TEC: variants seen among roughly 807,000 people sequenced by gnomAD.
The protein encoded by TEC is tyrosine-protein kinase Tec.
Under a neutral mutation model 93.0 loss-of-function variants are expected in TEC, and 72 were observed. The ratio of observed to expected loss-of-function variants is 0.77; its 90% CI spans 0.64 to 0.94. TEC has a LOEUF of 0.94. TEC is among the 40% of genes least tolerant of loss of function. The pLI, the probability that TEC is intolerant of heterozygous loss-of-function variation, is 0.00. For synonymous variants in TEC, 249 were observed against 247.7 expected (o/e 1.01, Z -0.05); for missense variants, 630 against 757.9 (o/e 0.83, Z 1.98).
intron 1 of TEC, among the ~76,000 whole-genome samples, chr4:48,253,917 A>G (rs1724274275): frequency 6.6e-6 from 1 of 151,572 alleles, no homozygotes. Flanking sequence ...TTCCTTTCCT[A>G]CCACTTGTTT....
intron 2 of TEC, among the ~76,000 whole-genome samples, chr4:48,194,784 T>C (rs1478477050): frequency 6.6e-6 from 1 of 152,174 alleles, no homozygotes; most frequent in Non-Finnish European, 1.5e-5. Context: ...AGTAAAATAC[T>C]CAAAGAGAAA....
intron 1 of TEC, among the ~76,000 whole-genome samples, chr4:48,230,254 C>A (rs1024198004): frequency 1.3e-5 from 2 of 152,080 alleles, no homozygotes; most frequent in Non-Finnish European, 2.9e-5. Flanking sequence ...CCAATGCACC[C>A]TTTAATTTCC....
At chr4:48,175,931 A>G (rs1177469874) in intron 3 of TEC, 151 bp downstream of exon 3, 1 of 608,362 alleles carries the variant, frequency 1.6e-6, no homozygotes, top group Admixed American at 2.9e-5. Context: ...TTCCACAAAG[A>G]CTTAAACAGT....
intron 1 of TEC, among the ~76,000 whole-genome samples, chr4:48,241,078 T>C (rs1410657606): frequency 1.3e-5 from 2 of 152,178 alleles, no homozygotes; most frequent in African/African-American, 2.4e-5. Context: ...ATCTAACTAC[T>C]GTTTGGAAAG....
At chr4:48,174,056 AAG>A (rs1435541241) in intron 3 of TEC, among the ~76,000 whole-genome samples, 2 of 152,214 alleles carry the variant, frequency 1.3e-5, no homozygotes, top group African/African-American at 4.8e-5. Flanking sequence ...AAGTTATAAT[AAG>A]AGAGGGTATT....
At chr4:48,225,538 C>A (rs1445594982) in intron 2 of TEC, among the ~76,000 whole-genome samples, 2 of 152,086 alleles carry the variant, frequency 1.3e-5, no homozygotes, top group African/African-American at 4.8e-5. Flanking sequence ...GAAGATTGAT[C>A]CACGGCAAAC....
chr4:48,249,670 G>C (rs1259526013), intron 1 of TEC, among the ~76,000 whole-genome samples: 1 of 152,164 alleles, frequency 6.6e-6, no homozygotes, highest in African/African-American at 2.4e-5. Flanking sequence ...TTTAAGCCCT[G>C]CTTCTTGACT....
rs34965891 is a variant in TEC at position 48,199,455 on chromosome 4, C to CTTTTTTTTT, written c.139-23278_139-23270dup. 2.7e-3 allele frequency among the ~76,000 whole-genome samples: 182 copies of CTTTTTTTTT among 67,356 alleles called. 22 individuals are homozygous for CTTTTTTTTT. Among genetic ancestry groups the CTTTTTTTTT allele is most frequent in the Middle Eastern group, 0.017 (1 of 60 alleles). 44.2% of individuals were successfully genotyped at this position (67,356 alleles called of 152,430 possible). A position where few individuals can be genotyped will look rare whatever the true frequency, so the allele number is the denominator to read the frequency against. On this transcript the variant is annotated intron_variant, in intron 2 of 17. Coordinates refer to ENST00000381501, the MANE Select transcript of TEC (RefSeq NM_003215.3). Reference sequence around the variant, plus strand: ...CTGGGCTACAGAAAGGATTTTCTTTCTTTTTTTTTTTTTTTTTTTTTTTTT... The same window carrying CTTTTTTTTT: ...CTGGGCTACAGAAAGGATTTTCTTTCTTTTTTTTTTTTTTTTTTTTTTTTTTTTTTTTTT...
intron 1 of TEC, among the ~76,000 whole-genome samples, chr4:48,265,444 CGTAT>C (rs1724610208): frequency 3.6e-5 from 1 of 27,712 alleles, no homozygotes; most frequent in African/African-American, 6.4e-5. Context: ...CACATATATA[CGTAT>C]ATATATACAT....
intron 2 of TEC, among the ~76,000 whole-genome samples, chr4:48,204,332 G>A: frequency 6.6e-6 from 1 of 152,214 alleles, no homozygotes; most frequent in East Asian, 1.9e-4. Context: ...TGGACACTGA[G>A]TGATGAGTTT....
chr4:48,190,036 G>A (rs1290479710), intron 2 of TEC, among the ~76,000 whole-genome samples: 1 of 152,180 alleles, frequency 6.6e-6, no homozygotes, highest in African/African-American at 2.4e-5. Flanking sequence ...ATCATGGGAA[G>A]TAGGGTGCTA....
chr4:48,234,216 G>A (rs2109647341), intron 1 of TEC, among the ~76,000 whole-genome samples: 1 of 152,282 alleles, frequency 6.6e-6, no homozygotes, highest in Non-Finnish European at 1.5e-5. Flanking sequence ...GAAGTGACAG[G>A]AGAATAAAGA....
At chr4:48,207,412 T>C (rs1722749707) in intron 2 of TEC, among the ~76,000 whole-genome samples, 1 of 152,124 alleles carries the variant, frequency 6.6e-6, no homozygotes, top group Non-Finnish European at 1.5e-5. Flanking sequence ...AGGCTCCTTG[T>C]ATTCCTCTGA....
chr4:48,192,524 G>GA (rs1011551798), intron 2 of TEC, among the ~76,000 whole-genome samples: 1 of 152,074 alleles, frequency 6.6e-6, no homozygotes, highest in East Asian at 1.9e-4. Context: ...GTATAATGCT[G>GA]AAAAAAATAT....
At chr4:48,148,893 T>C (rs912164969) in intron 11 of TEC, among the ~76,000 whole-genome samples, 12 of 151,782 alleles carry the variant, frequency 7.9e-5, no homozygotes, top group African/African-American at 2.7e-4. Flanking sequence ...TCCTATTATT[T>C]AGCTTCCACT....
chr4:48,206,413 G>A (rs1722716161), intron 2 of TEC, among the ~76,000 whole-genome samples: 1 of 152,146 alleles, frequency 6.6e-6, no homozygotes, highest in Non-Finnish European at 1.5e-5. Flanking sequence ...ACACACAGAT[G>A]AGCTTCATTC....
At position 48,153,801 on chromosome 4, in the gene TEC, C is replaced by T. The variant is rs73138411; in HGVS notation, c.793-2859G>A. 8.1e-3 allele frequency among the ~76,000 whole-genome samples: 1,238 copies of T among 152,264 alleles called. 14 individuals are homozygous for T. The highest frequency in any genetic ancestry group is 0.026 in the African/African-American group (1,083 of 41,550). On this transcript the variant is annotated intron_variant, in intron 9 of 17. Transcript: ENST00000381501. ...AAAAATGAGTGACATTACTACCCAC[C>T]CAGCCCTGCAGCAACGCCTTCATAA...
chr4:48,145,415 C>T lies in TEC; in HGVS notation c.1246G>A (p.Val416Met), dbSNP rs764331227. The T allele has an allele frequency of 6.2e-7, 1 of 1,614,148 alleles. No individual in the cohort carries two copies. Residue 416 changes from valine (V) to methionine (M), a missense_variant, in exon 13 of 18, where the codon GTG becomes ATG. Physicochemically the swap from Val to Met is conservative, Grantham distance 21. Around this residue, in one of 3 missense-constraint regions of TEC, gnomAD observed 289 missense variants for 390.0 expected, o/e 0.74. Coordinates refer to ENST00000381501, the MANE Select transcript of TEC (RefSeq NM_003215.3). The stretch of plus-strand genomic sequence containing the variant: ...AAGATGATAGCAACTTACATCATCA[C>T]TTTAGCTTCTTCTATAAAGTCCTCC... ...CEEDFIEEAK[V>M]MMKLTHPKLV...
chr4:48,143,278 A>C (rs974378594), intron 14 of TEC, among the ~76,000 whole-genome samples: 1 of 152,364 alleles, frequency 6.6e-6, no homozygotes, highest in Admixed American at 6.5e-5. Context: ...TACCATAGTA[A>C]TACCAATATC....
Sources: allele counts gnomAD v4.1 joint callset (sites outside exome capture counted in the v4.1 genomes callset), GRCh38; gene constraint gnomAD v4.1.1; regional missense constraint gnomAD v4.1.1; transcripts MANE v1.5; gene names NCBI Gene and HGNC (gene_info 2026-07-23, HGNC 2026-07-21).